The following TTC27 variants were observed in gnomAD, a reference collection of about 807,000 sequenced individuals.
TTC27 encodes the protein tetratricopeptide repeat protein 27.
TTC27 carries 79 observed loss-of-function variants against 115.9 expected under a neutral mutation model. The ratio of observed to expected loss-of-function variants is 0.68; its 90% CI spans 0.57 to 0.82. The LOEUF (loss-of-function observed/expected upper bound fraction) is 0.82, where lower values mean the gene tolerates loss of function less well. TTC27 is among the 40% of genes least tolerant of loss of function. The pLI is 0.00. For synonymous variants in TTC27, 401 were observed against 356.0 expected, an observed-to-expected ratio of 1.13 and a Z score of -1.42; for missense variants, 1,054 against 993.1, an observed-to-expected ratio of 1.06 and a Z score of -0.82.
chr2:32,678,491 G>A (rs1235612612), intron 8 of TTC27, among the ~76,000 whole-genome samples: 1 of 151,548 alleles, frequency 6.6e-6, no homozygotes. Flanking sequence ...GCAGTGTCGC[G>A]ATCTCGGCTC....
intron 9 of TTC27, among the ~76,000 whole-genome samples, chr2:32,684,665 A>G (rs1191916423): frequency 4.6e-5 from 7 of 152,276 alleles, no homozygotes; most frequent in Non-Finnish European, 8.8e-5. Flanking sequence ...CGTTTTATAG[A>G]TGAAAATGAT....
At chr2:32,650,362 T>C in intron 5 of TTC27, 129 bp downstream of exon 5, 15 of 542,684 alleles carry the variant, frequency 2.8e-5, no homozygotes, top group African/African-American at 1.9e-4. Context: ...TCTTTTTTTT[T>C]TTTTTTTTTT....
intron 4 of TTC27, among the ~76,000 whole-genome samples, chr2:32,641,672 C>T (rs1572466808): frequency 6.6e-6 from 1 of 151,974 alleles, no homozygotes; most frequent in East Asian, 1.9e-4. Flanking sequence ...TTAAGAAATG[C>T]AATAGTTCTT....
intron 13 of TTC27, among the ~76,000 whole-genome samples, chr2:32,759,404 C>CT (rs561161239): frequency 6.6e-6 from 1 of 152,136 alleles, no homozygotes; most frequent in South Asian, 2.1e-4. Flanking sequence ...CCTACACTGT[C>CT]TTTTTTTCTT....
chr2:32,637,595 T>C (rs1664477747), intron 3 of TTC27, among the ~76,000 whole-genome samples: 2 of 152,202 alleles, frequency 1.3e-5, no homozygotes. Flanking sequence ...CCTCCCAAAG[T>C]GCTGAGATTC....
rs147245846 is a variant in TTC27, at chr2:32,738,135, C to T, written c.1452+1319C>T. Among the ~76,000 whole-genome samples the T allele has an allele frequency of 2.0e-5, 3 of 152,284 alleles. No individual in the cohort carries two copies. In the East Asian group the frequency reaches 5.8e-4, roughly 29 times the overall value. On this transcript the variant is annotated intron_variant, in intron 12 of 19. Transcript: ENST00000317907. ...TTCCCTTATGATTTGCTTCAGATCA[C>T]AAGCTGGTTATTGACTCTTTACTTG...
At chr2:32,725,467 A>G (rs1406508923) in intron 10 of TTC27, among the ~76,000 whole-genome samples, 1 of 152,138 alleles carries the variant, frequency 6.6e-6, no homozygotes, top group African/African-American at 2.4e-5. Context: ...CAGCGGGGCA[A>G]TCAAATCTGA....
intron 10 of TTC27, 146 bp from the exon 11 acceptor site, chr2:32,733,682 G>GA: frequency 2.3e-6 from 1 of 440,862 alleles, no homozygotes; most frequent in East Asian, 3.6e-5. Context: ...AGAAATTCGA[G>GA]AAAAAATTCA....
At position 32,733,798 on chromosome 2, in the gene TTC27, A is replaced by G. The variant is rs192553895; in HGVS notation, c.1234-30A>G. ...TATTTATATTATAAGTTATACATAT[A>G]GATTCTGATTGTGATATATGTCCTT... is the stretch of plus-strand genomic sequence containing the variant. On this transcript the variant is annotated intron_variant, in intron 10 of 19. Transcript: ENST00000317907. The G allele has an allele frequency of 2.8e-5, 39 of 1,408,510 alleles. 1 individual carries two copies. The East Asian group carries it at 8.6e-4, about 31-fold the overall frequency. 87.3% of individuals were successfully genotyped at this position (1,408,510 alleles called of 1,614,324 possible).
intron 9 of TTC27, among the ~76,000 whole-genome samples, chr2:32,695,486 C>T (rs1045286961): frequency 2.0e-5 from 3 of 151,314 alleles, no homozygotes; most frequent in East Asian, 1.9e-4. Context: ...TTTGGGAGAC[C>T]GAGGCGGGCA....
At chr2:32,723,728 C>CTCCTTCCTTCGT (rs1668010885) in intron 10 of TTC27, among the ~76,000 whole-genome samples, 1 of 29,514 alleles carries the variant, frequency 3.4e-5, no homozygotes, top group Non-Finnish European at 6.1e-5. Flanking sequence ...CCCTCCCTCC[C>CTCCTTCCTTCGT]TCCTTCCTTC....
At chr2:32,728,199 C>T (rs1351136969) in intron 10 of TTC27, among the ~76,000 whole-genome samples, 1 of 152,064 alleles carries the variant, frequency 6.6e-6, no homozygotes, top group East Asian at 1.9e-4. Context: ...CACCACCACG[C>T]CCGGCTAATT....
chr2:32,698,456 A>ATTATTATTT (rs908312474), intron 9 of TTC27, among the ~76,000 whole-genome samples: 2 of 146,450 alleles, frequency 1.4e-5, no homozygotes, highest in African/African-American at 2.5e-5. Context: ...TATTATTATT[A>ATTATTATTT]TTTTTTAGCA....
chr2:32,641,007 A>T (rs1471773204), intron 4 of TTC27, among the ~76,000 whole-genome samples: 3 of 152,066 alleles, frequency 2.0e-5, no homozygotes, highest in Non-Finnish European at 4.4e-5. Context: ...CAACAACAAC[A>T]ACAACAAAAA....
At chr2:32,775,450 G>A (rs1379116838) in intron 13 of TTC27, among the ~76,000 whole-genome samples, 1 of 152,148 alleles carries the variant, frequency 6.6e-6, no homozygotes, top group Non-Finnish European at 1.5e-5. Flanking sequence ...CACCTGCCTC[G>A]GCCTCCCAAA....
chr2:32,704,280 G>C (rs1025607593), intron 10 of TTC27, among the ~76,000 whole-genome samples: 4 of 151,984 alleles, frequency 2.6e-5, no homozygotes, highest in African/African-American at 9.7e-5. Context: ...TCTACCTCTG[G>C]GGTTCAAGCA....
intron 7 of TTC27, among the ~76,000 whole-genome samples, chr2:32,670,129 C>G (rs1290115628): frequency 6.6e-6 from 1 of 151,846 alleles, no homozygotes; most frequent in Non-Finnish European, 1.5e-5. Context: ...CCGCCCGCCT[C>G]AGCCTCTCAA....
At chr2:32,637,754 G>A (rs1035135390) in intron 3 of TTC27, among the ~76,000 whole-genome samples, 3 of 152,196 alleles carry the variant, frequency 2.0e-5, no homozygotes, top group Non-Finnish European at 4.4e-5. Flanking sequence ...GAGGCTGCAG[G>A]TCTAGTTTGG....
intron 10 of TTC27, among the ~76,000 whole-genome samples, chr2:32,725,622 A>C (rs1237550884): frequency 6.6e-6 from 1 of 152,116 alleles, no homozygotes; most frequent in Admixed American, 6.5e-5. Context: ...ATGGGCTGGC[A>C]TTGAGAGTCT....
Sources: allele counts gnomAD v4.1 joint callset (sites outside exome capture counted in the v4.1 genomes callset), GRCh38; gene constraint gnomAD v4.1.1; transcripts MANE v1.5; gene names NCBI Gene and HGNC (gene_info 2026-07-23, HGNC 2026-07-21).